The following LYPLAL1 variants were observed in gnomAD, a reference collection of about 807,000 sequenced individuals.
LYPLAL1 encodes the protein lysophospholipase-like protein 1.
A neutral mutation model predicts 19.7 loss-of-function variants in LYPLAL1; 23 were observed. The ratio of observed to expected loss-of-function variants is 1.17; its 90% CI spans 0.84 to 1.65. LYPLAL1 has a LOEUF of 1.65. LYPLAL1 is among the 40% of genes most tolerant of loss of function. LYPLAL1 has a pLI of 0.00. For synonymous variants in LYPLAL1, 119 were observed against 96.3 expected, an observed-to-expected ratio of 1.24 and a Z score of -1.38; for missense variants, 355 against 279.4, an observed-to-expected ratio of 1.27 and a Z score of -1.93.
the LYPLAL1 span, among the ~76,000 whole-genome samples, chr1:219,375,710 C>T: frequency 6.6e-6 from 1 of 151,104 alleles, no homozygotes. Flanking sequence ...AAAAGAAAAA[C>T]CAAATTGGAG....
chr1:219,274,080 T>C, the LYPLAL1 span, among the ~76,000 whole-genome samples: 1 of 152,128 alleles, frequency 6.6e-6, no homozygotes, highest in African/African-American at 2.4e-5. Flanking sequence ...TTTATAAAGT[T>C]TTGCTGATGG....
At chr1:219,201,018 A>G (rs1658053454) in intron 3 of LYPLAL1, among the ~76,000 whole-genome samples, 1 of 152,194 alleles carries the variant, frequency 6.6e-6, no homozygotes, top group Admixed American at 6.5e-5. Context: ...CTTAATACGT[A>G]TTATCAAATT....
intron 3 of LYPLAL1, among the ~76,000 whole-genome samples, chr1:219,204,078 T>A (rs1244065588): frequency 6.6e-6 from 1 of 152,152 alleles, no homozygotes; most frequent in East Asian, 1.9e-4. Context: ...GATGTTCAGT[T>A]AAAGGGGGTT....
At chr1:219,373,643 C>T in the LYPLAL1 span, among the ~76,000 whole-genome samples, 769 of 152,242 alleles carry the variant, frequency 5.1e-3, 6 homozygotes, top group Non-Finnish European at 5.5e-3. Flanking sequence ...AATCTAACTA[C>T]ATTTTAACAT....
chr1:219,363,374 GA>G, the LYPLAL1 span, among the ~76,000 whole-genome samples: 1 of 152,078 alleles, frequency 6.6e-6, no homozygotes, highest in Non-Finnish European at 1.5e-5. Context: ...ATATTTTATA[GA>G]TTTTTTATAT....
chr1:219,289,073 G>GTT, the LYPLAL1 span, among the ~76,000 whole-genome samples: 1 of 77,724 alleles, frequency 1.3e-5, no homozygotes, highest in Non-Finnish European at 2.7e-5. Flanking sequence ...GTTACCTCTT[G>GTT]TTTTGTTTTT....
At chr1:219,373,266 A>G in the LYPLAL1 span, among the ~76,000 whole-genome samples, 1 of 152,258 alleles carries the variant, frequency 6.6e-6, no homozygotes, top group African/African-American at 2.4e-5. Flanking sequence ...CTACATGCAC[A>G]TGTAAGACAC....
At chr1:219,273,689 G>C in the LYPLAL1 span, among the ~76,000 whole-genome samples, 1 of 152,150 alleles carries the variant, frequency 6.6e-6, no homozygotes, top group Admixed American at 6.5e-5. Context: ...AAAAGGAATT[G>C]TTTCTCTCTG....
the LYPLAL1 span, among the ~76,000 whole-genome samples, chr1:219,309,504 G>T: frequency 6.6e-6 from 1 of 152,140 alleles, no homozygotes; most frequent in Non-Finnish European, 1.5e-5. Flanking sequence ...ATCTCATCTT[G>T]AACTGTACTC....
At chr1:219,286,736 C>G in the LYPLAL1 span, among the ~76,000 whole-genome samples, 1 of 152,224 alleles carries the variant, frequency 6.6e-6, no homozygotes, top group Non-Finnish European at 1.5e-5. Context: ...TTCTTCTGCA[C>G]AGCCAGCTTC....
chr1:219,396,878 T>C, the LYPLAL1 span, among the ~76,000 whole-genome samples: 1 of 152,204 alleles, frequency 6.6e-6, no homozygotes, highest in Non-Finnish European at 1.5e-5. Context: ...TAGTTTGACT[T>C]CCTCTCTTCC....
the LYPLAL1 span, among the ~76,000 whole-genome samples, chr1:219,396,744 A>G: frequency 1.3e-5 from 2 of 152,154 alleles, no homozygotes; most frequent in Non-Finnish European, 1.5e-5. Context: ...GTTGGTGTTT[A>G]GGAATCCTAG....
At chr1:219,300,495 G>C in the LYPLAL1 span, among the ~76,000 whole-genome samples, 3 of 150,854 alleles carry the variant, frequency 2.0e-5, no homozygotes, top group Non-Finnish European at 4.4e-5. Context: ...AAAAAGGGGG[G>C]ACGCTTTGTG....
the LYPLAL1 span, among the ~76,000 whole-genome samples, chr1:219,364,816 G>C: frequency 2.0e-4 from 30 of 152,162 alleles, no homozygotes; most frequent in African/African-American, 6.7e-4. Flanking sequence ...TAGATAATCA[G>C]GATATCATTT....
chr1:219,293,414 T>A, the LYPLAL1 span, among the ~76,000 whole-genome samples: 11 of 152,212 alleles, frequency 7.2e-5, no homozygotes, highest in Non-Finnish European at 1.3e-4. Flanking sequence ...AGTTTTTGTA[T>A]CCCTGGCTTA....
At chr1:219,417,588 C>G in the LYPLAL1 span, among the ~76,000 whole-genome samples, 1 of 152,060 alleles carries the variant, frequency 6.6e-6, no homozygotes, top group Non-Finnish European at 1.5e-5. Context: ...ATATTTTTTT[C>G]TAAATAAATG....
At chr1:219,437,074 G>A in the LYPLAL1 span, 3 of 152,198 alleles carry the variant, frequency 2.0e-5, no homozygotes, top group Admixed American at 6.5e-5. Context: ...TATACAGAGT[G>A]GACTAGGTGT....
intron 3 of LYPLAL1, among the ~76,000 whole-genome samples, chr1:219,205,482 AT>A (rs1389234764): frequency 6.6e-6 from 1 of 152,206 alleles, no homozygotes; most frequent in Non-Finnish European, 1.5e-5. Context: ...CATGAAAAAA[AT>A]AAGATACATT....
the LYPLAL1 span, among the ~76,000 whole-genome samples, chr1:219,319,178 G>A: frequency 2.6e-5 from 4 of 152,180 alleles, no homozygotes; most frequent in Non-Finnish European, 4.4e-5. Flanking sequence ...GAGGAGAAAG[G>A]AAGAGATGGT....
Sources: allele counts gnomAD v4.1 joint callset (sites outside exome capture counted in the v4.1 genomes callset), GRCh38; gene constraint gnomAD v4.1.1; transcripts MANE v1.5; gene names NCBI Gene and HGNC (gene_info 2026-07-23, HGNC 2026-07-21).